Variants in CDH10 observed in about 807,000 individuals in gnomAD.
CDH10 encodes the protein cadherin 10.
CDH10 carries 30 observed loss-of-function variants against 73.1 expected under a neutral mutation model. The observed-to-expected ratio is 0.41, with a 90% CI of 0.31 to 0.56. CDH10 has a LOEUF of 0.56. Among genes scored for constraint, CDH10 ranks in the 20% least tolerant of loss-of-function variants. CDH10 has a pLI of 0.27. For missense variants in CDH10, 815 were observed against 973.7 expected (o/e 0.84, Z 2.17); for synonymous variants, 345 against 348.2 (o/e 0.99, Z 0.10).
intron 1 of CDH10, chr5:24,612,205 TTAGA>T (rs1236254757): frequency 6.6e-6 from 1 of 152,194 alleles, no homozygotes; most frequent in East Asian, 1.9e-4. Flanking sequence ...TTAATAAGAA[TTAGA>T]TATTCTACAT....
At chr5:24,525,085 A>C (rs565779939) in intron 5 of CDH10, among the ~76,000 whole-genome samples, 1 of 152,178 alleles carries the variant, frequency 6.6e-6, no homozygotes, top group African/African-American at 2.4e-5. Flanking sequence ...TAGGTGATTT[A>C]AGAGATGTGA....
chr5:24,506,450 G>T (rs1473419813), intron 7 of CDH10, among the ~76,000 whole-genome samples: 1 of 152,110 alleles, frequency 6.6e-6, no homozygotes, highest in Non-Finnish European at 1.5e-5. Flanking sequence ...CCTCTTCCCT[G>T]TAGCCTCTCA....
chr5:24,614,159 C>A (rs1380143314), intron 1 of CDH10, among the ~76,000 whole-genome samples: 3 of 152,014 alleles, frequency 2.0e-5, no homozygotes. Flanking sequence ...ATGATGGATC[C>A]AAAAATGTTA....
chr5:24,560,523 G>A (rs1744921408), intron 2 of CDH10, among the ~76,000 whole-genome samples: 1 of 151,480 alleles, frequency 6.6e-6, no homozygotes, highest in Non-Finnish European at 1.5e-5. Context: ...GAATAATGCT[G>A]GGCATTTGAA....
chr5:24,602,979 GA>G (rs1317378912), intron 1 of CDH10, among the ~76,000 whole-genome samples: 1 of 152,066 alleles, frequency 6.6e-6, no homozygotes, highest in Non-Finnish European at 1.5e-5. Flanking sequence ...CCTTTTTCAA[GA>G]CAATCTATTG....
At chr5:24,602,642 T>A (rs1206615159) in intron 1 of CDH10, among the ~76,000 whole-genome samples, 3 of 152,176 alleles carry the variant, frequency 2.0e-5, no homozygotes, top group Non-Finnish European at 4.4e-5. Context: ...TATGTGTATA[T>A]GTGTATGTTC....
intron 2 of CDH10, among the ~76,000 whole-genome samples, chr5:24,560,575 T>G (rs1744924298): frequency 1.3e-5 from 2 of 152,096 alleles, no homozygotes; most frequent in African/African-American, 4.8e-5. Context: ...ATTTATTACC[T>G]AATTTTGATT....
At position 24,553,134 on chromosome 5, in the gene CDH10, ACTT is replaced by A. The variant is rs550393886; in HGVS notation, c.232-15463_232-15461del. ...GAATATTGAACCGACCATTTCATTA[ACTT>A]CTTCTTCTTAATATTGCTATCAAGA... is the stretch of plus-strand genomic sequence containing the variant. On this transcript the variant is annotated intron_variant, in intron 2 of 11. Transcript: ENST00000264463. Among the ~76,000 whole-genome samples, 8 of 152,160 alleles carry A rather than the reference ACTT, an allele frequency of 5.3e-5. No individual in the cohort carries two copies. The East Asian group carries it at 9.6e-4, about 18-fold the overall frequency.
chr5:24,494,403 AG>A (rs1742186116), intron 9 of CDH10, among the ~76,000 whole-genome samples: 1 of 151,988 alleles, frequency 6.6e-6, no homozygotes, highest in African/African-American at 2.4e-5. Context: ...TATATTGAAG[AG>A]GAAAAAATGA....
In CDH10 at chr5:24,593,292, A is replaced by G; in HGVS notation, c.199T>C (p.Tyr67His). 6.2e-7 allele frequency: 1 copy of G among 1,610,544 alleles called. No individual in the cohort carries two copies. Among genetic ancestry groups the G allele is most frequent in the Non-Finnish European group, 8.5e-7 (1 of 1,176,928 alleles). ...ACGTACTGATAATCAGATCCTGTAT[A>G]TTCTTCAAGTAAGAAAAATTGATTC... ...MWNQFFLLEE[Y>H]TGSDYQYVGK... The change falls in exon 2 of 12, where the codon TAT becomes CAT. Residue 67 changes from tyrosine (Y) to histidine (H), a missense_variant. By Grantham distance (83) the Tyr-to-His change is moderately conservative. Around this residue, in one of 3 missense-constraint regions of CDH10, gnomAD observed 58 missense variants for 96.7 expected, o/e 0.60. Transcript: ENST00000264463.
intron 1 of CDH10, among the ~76,000 whole-genome samples, chr5:24,595,765 A>T (rs1746351236): frequency 6.6e-6 from 1 of 151,914 alleles, no homozygotes; most frequent in Non-Finnish European, 1.5e-5. Context: ...TTACATTTTT[A>T]AAAATTGTCA....
intron 5 of CDH10, among the ~76,000 whole-genome samples, chr5:24,513,856 C>T (rs1955288): frequency 6.6e-6 from 1 of 152,246 alleles, no homozygotes; most frequent in South Asian, 2.1e-4. Flanking sequence ...GTTGTCTGCT[C>T]TATGGGGACC....
At chr5:24,628,509 AG>A (rs1747585582) in intron 1 of CDH10, among the ~76,000 whole-genome samples, 2 of 152,118 alleles carry the variant, frequency 1.3e-5, no homozygotes, top group African/African-American at 4.8e-5. Flanking sequence ...CTGAAAGAAA[AG>A]CTTCTGGTTG....
chr5:24,505,651 G>C (rs1742672821), intron 7 of CDH10, among the ~76,000 whole-genome samples: 1 of 152,184 alleles, frequency 6.6e-6, no homozygotes. Flanking sequence ...CAGAAGCTAT[G>C]TGTTGTTCTT....
intron 2 of CDH10, among the ~76,000 whole-genome samples, chr5:24,584,480 G>C (rs1745918073): frequency 8.6e-6 from 1 of 116,908 alleles, no homozygotes; most frequent in Non-Finnish European, 1.7e-5. Context: ...GTGTGTGAGA[G>C]AGAGAGAGAG....
intron 2 of CDH10, among the ~76,000 whole-genome samples, chr5:24,549,605 G>A (rs953767836): frequency 6.3e-5 from 9 of 142,894 alleles, no homozygotes; most frequent in East Asian, 4.3e-4. Flanking sequence ...AGGCTGAAGT[G>A]CAATGGCACA....
intron 1 of CDH10, among the ~76,000 whole-genome samples, chr5:24,632,705 T>C (rs903710262): frequency 3.3e-5 from 5 of 152,016 alleles, no homozygotes; most frequent in African/African-American, 9.7e-5. Context: ...ATCATTATTA[T>C]AAGATTTGTA....
chr5:24,584,776 C>G (rs1272107821), intron 2 of CDH10, among the ~76,000 whole-genome samples: 1 of 151,522 alleles, frequency 6.6e-6, no homozygotes, highest in African/African-American at 2.4e-5. Context: ...ACCTCACATC[C>G]CTTTTTACTA....
intron 11 of CDH10, among the ~76,000 whole-genome samples, chr5:24,488,799 C>CG (rs1217841381): frequency 7.2e-6 from 1 of 139,844 alleles, no homozygotes; most frequent in Admixed American, 7.2e-5. Flanking sequence ...AGACCCCCCC[C>CG]CCAAAAAAAA....
Sources: allele counts gnomAD v4.1 joint callset (sites outside exome capture counted in the v4.1 genomes callset), GRCh38; gene constraint gnomAD v4.1.1; regional missense constraint gnomAD v4.1.1; transcripts MANE v1.5; gene names NCBI Gene and HGNC (gene_info 2026-07-23, HGNC 2026-07-21).